The following RARB variants were observed in gnomAD, a reference collection of about 807,000 sequenced individuals.
RARB encodes HBV-activated protein.
RARB carries 17 observed loss-of-function variants against 51.9 expected under a neutral mutation model. That is an observed-to-expected ratio of 0.33 (90% CI 0.22 to 0.49). The LOEUF (loss-of-function observed/expected upper bound fraction) is 0.49. Ranked by LOEUF, RARB falls within the 20% of genes least tolerant of loss-of-function variation. The pLI, the probability that RARB is intolerant of heterozygous loss-of-function variation, is 0.99. For missense variants in RARB, 369 were observed against 550.8 expected (o/e 0.67, Z 3.30); for synonymous variants, 215 against 195.4 (o/e 1.10, Z -0.84).
intron 3 of RARB, among the ~76,000 whole-genome samples, chr3:25,065,414 C>G (rs1484765185): frequency 6.6e-6 from 1 of 152,124 alleles, no homozygotes; most frequent in Non-Finnish European, 1.5e-5. Flanking sequence ...TAATTTTAAA[C>G]TTTTTTAGTA....
At chr3:25,457,278 G>T (rs1193166930) in intron 1 of RARB, among the ~76,000 whole-genome samples, 1 of 152,148 alleles carries the variant, frequency 6.6e-6, no homozygotes, top group Admixed American at 6.5e-5. Flanking sequence ...ATTTGTCAAG[G>T]ATAAGGGATT....
At chr3:24,849,284 G>T (rs1702524664) in intron 1 of RARB, among the ~76,000 whole-genome samples, 1 of 152,178 alleles carries the variant, frequency 6.6e-6, no homozygotes, top group South Asian at 2.1e-4. Flanking sequence ...TCAGACCATT[G>T]TTGCCCCTCA....
chr3:24,972,127 C>T (rs1247251603), intron 2 of RARB, among the ~76,000 whole-genome samples: 1 of 151,894 alleles, frequency 6.6e-6, no homozygotes, highest in Non-Finnish European at 1.5e-5. Flanking sequence ...CATTAATCAA[C>T]CTCTCTTCAG....
intron 2 of RARB, among the ~76,000 whole-genome samples, chr3:24,913,384 T>G (rs1227025528): frequency 7.2e-6 from 1 of 138,152 alleles, no homozygotes; most frequent in East Asian, 2.1e-4. Context: ...TGACATAGTC[T>G]TCTTTCTCTC....
chr3:25,331,116 C>T (rs1002622233), intron 5 of RARB, among the ~76,000 whole-genome samples: 12 of 152,092 alleles, frequency 7.9e-5, no homozygotes, highest in East Asian at 7.7e-4. Flanking sequence ...GACAGATCAG[C>T]GAGACAGAAA....
intron 3 of RARB, among the ~76,000 whole-genome samples, chr3:25,115,324 A>C (rs770565042): frequency 5.9e-5 from 9 of 152,204 alleles, no homozygotes; most frequent in Non-Finnish European, 1.3e-4. Context: ...TCTTTGTCTT[A>C]GTAGTACATA....
At chr3:24,887,656 C>T (rs979279443) in intron 2 of RARB, among the ~76,000 whole-genome samples, 25 of 152,324 alleles carry the variant, frequency 1.6e-4, no homozygotes, top group Middle Eastern at 3.4e-3. Flanking sequence ...CACAGCTCCT[C>T]CTGCTAGAAG....
intron 2 of RARB, among the ~76,000 whole-genome samples, chr3:25,500,485 T>G (rs762264500): frequency 9.2e-4 from 133 of 144,184 alleles, no homozygotes; most frequent in Non-Finnish European, 1.7e-3. Flanking sequence ...TTTTTTTGGT[T>G]GTTGTTGTTG....
chr3:25,253,271 G>T (rs1702775049), intron 5 of RARB, among the ~76,000 whole-genome samples: 1 of 152,076 alleles, frequency 6.6e-6, no homozygotes, highest in African/African-American at 2.4e-5. Flanking sequence ...CTGAAGGAAA[G>T]GAGGGCTGAG....
At chr3:25,457,247 GT>G (rs760770597) in intron 1 of RARB, among the ~76,000 whole-genome samples, 1 of 151,974 alleles carries the variant, frequency 6.6e-6, no homozygotes, top group Admixed American at 6.6e-5. Flanking sequence ...ATCATTGTTG[GT>G]TTATTCTCTA....
chr3:25,282,453 C>G (rs1703547762), intron 5 of RARB, among the ~76,000 whole-genome samples: 1 of 151,852 alleles, frequency 6.6e-6, no homozygotes, highest in Non-Finnish European at 1.5e-5. Flanking sequence ...TTTGATGCCC[C>G]TTATACTTTT....
At chr3:24,830,545 G>C (rs146146389) in intron 1 of RARB, among the ~76,000 whole-genome samples, 19 of 151,198 alleles carry the variant, frequency 1.3e-4, no homozygotes, top group Admixed American at 4.6e-4. Context: ...CGCGGGGTGA[G>C]TTTCCCTGAC....
chr3:25,474,675 A>T (rs141179116), intron 2 of RARB, among the ~76,000 whole-genome samples: 1 of 152,308 alleles, frequency 6.6e-6, no homozygotes, highest in African/African-American at 2.4e-5. Flanking sequence ...TGTTGTGTTG[A>T]GCTGTGATAA....
At chr3:25,545,311 G>T (rs192174049) in intron 3 of RARB, among the ~76,000 whole-genome samples, 5 of 152,222 alleles carry the variant, frequency 3.3e-5, no homozygotes, top group East Asian at 1.9e-4. Flanking sequence ...GGCAGTGATG[G>T]GCTCTACTGA....
intron 5 of RARB, among the ~76,000 whole-genome samples, chr3:25,234,237 A>G (rs116594474): frequency 0.027 from 4,135 of 152,208 alleles, 99 homozygotes; most frequent in African/African-American, 0.057. Context: ...AATTTATTTA[A>G]TATATGTAGA....
chr3:25,070,904 G>T (rs576499112), intron 3 of RARB, among the ~76,000 whole-genome samples: 1 of 152,210 alleles, frequency 6.6e-6, no homozygotes, highest in Admixed American at 6.5e-5. Context: ...TTTTAGGGAG[G>T]ATCCAGGTAT....
intron 4 of RARB, among the ~76,000 whole-genome samples, chr3:25,134,678 T>C (rs933960318): frequency 1.8e-4 from 27 of 151,946 alleles, no homozygotes; most frequent in African/African-American, 6.3e-4. Flanking sequence ...TATTCTACAT[T>C]AAGAACAAAA....
intron 2 of RARB, among the ~76,000 whole-genome samples, chr3:24,983,161 C>T (rs781151278): frequency 3.3e-5 from 5 of 152,150 alleles, no homozygotes; most frequent in Non-Finnish European, 7.3e-5. Flanking sequence ...GCATTTGTAG[C>T]TGTCACACTC....
intron 3 of RARB, among the ~76,000 whole-genome samples, chr3:25,514,176 C>T (rs1315991790): frequency 6.6e-5 from 10 of 152,150 alleles, no homozygotes; most frequent in Non-Finnish European, 1.3e-4. Flanking sequence ...CTACCTAAAT[C>T]GCTCAGTAAA....
Sources: gnomAD v4.1 joint callset for allele counts (sites outside exome capture counted in the v4.1 genomes callset) on GRCh38, gnomAD v4.1.1 for gene constraint, MANE v1.5 for transcripts, NCBI Gene and HGNC (gene_info 2026-07-23, HGNC 2026-07-21) for gene names.